The following SLC35F1 variants were observed in gnomAD, a reference collection of about 807,000 sequenced individuals.
SLC35F1 encodes chromosome 6 open reading frame 169.
A neutral mutation model predicts 48.7 loss-of-function variants in SLC35F1; 14 were observed. That is an observed-to-expected ratio of 0.29 (90% CI 0.19 to 0.45). The LOEUF (loss-of-function observed/expected upper bound fraction) is 0.45, where lower values mean the gene tolerates loss of function less well. Ranked by LOEUF, SLC35F1 falls within the 20% of genes least tolerant of loss-of-function variation. The pLI, the probability that SLC35F1 is intolerant of heterozygous loss-of-function variation, is 1.00. For missense variants in SLC35F1, 404 were observed against 500.0 expected (o/e 0.81, Z 1.83); for synonymous variants, 190 against 202.2 (o/e 0.94, Z 0.51).
In SLC35F1 at chr6:118,186,715, A is replaced by G. The variant is rs7748299; in HGVS notation, c.349+32095A>G. On this transcript the variant is annotated intron_variant, in intron 2 of 7. Coordinates refer to ENST00000360388, the MANE Select transcript of SLC35F1 (RefSeq NM_001029858.4). ...TACCAAGCTAGGTGCTAGAGATATA[A>G]AAGTGAATAGGACCTGTAGTCCACA... is the stretch of plus-strand genomic sequence containing the variant. 1.7e-3 allele frequency among the ~76,000 whole-genome samples: 264 copies of G among 152,308 alleles called. 1 individual carries two copies. The highest frequency in any genetic ancestry group is 5.7e-3 in the African/African-American group (237 of 41,568).
At chr6:117,924,460 G>A (rs2760234) in intron 1 of SLC35F1, among the ~76,000 whole-genome samples, 13 of 91,276 alleles carry the variant, frequency 1.4e-4, no homozygotes, top group African/African-American at 7.0e-4. Flanking sequence ...ACCTATATGT[G>A]TGTACATATA....
intron 1 of SLC35F1, among the ~76,000 whole-genome samples, chr6:118,136,474 C>A (rs975373422): frequency 6.6e-6 from 1 of 152,100 alleles, no homozygotes; most frequent in African/African-American, 2.4e-5. Context: ...CTTTTTATTT[C>A]TTTTAGTTTC....
At chr6:118,029,810 C>T (rs182824803) in intron 1 of SLC35F1, among the ~76,000 whole-genome samples, 155 of 152,212 alleles carry the variant, frequency 1.0e-3, no homozygotes, top group African/African-American at 3.6e-3. Context: ...ACTTTCCACC[C>T]TTCACTACGC....
At chr6:118,227,568 T>C (rs1199596232) in intron 2 of SLC35F1, among the ~76,000 whole-genome samples, 2 of 152,228 alleles carry the variant, frequency 1.3e-5, no homozygotes, top group Non-Finnish European at 2.9e-5. Flanking sequence ...CAGAACCTTA[T>C]GCAATGATGA....
chr6:118,252,932 A>G (rs1186772669), intron 3 of SLC35F1, among the ~76,000 whole-genome samples: 1 of 152,168 alleles, frequency 6.6e-6, no homozygotes, highest in Non-Finnish European at 1.5e-5. Flanking sequence ...GGGAAGAATC[A>G]CAAGAGGAGG....
chr6:117,914,398 T>C (rs2114795838), intron 1 of SLC35F1, among the ~76,000 whole-genome samples: 1 of 152,298 alleles, frequency 6.6e-6, no homozygotes, highest in East Asian at 1.9e-4. Flanking sequence ...AACCAAATCA[T>C]ACTAATTATA....
At chr6:117,950,621 A>G (rs1351636787) in intron 1 of SLC35F1, among the ~76,000 whole-genome samples, 2 of 152,198 alleles carry the variant, frequency 1.3e-5, no homozygotes, top group Admixed American at 6.5e-5. Context: ...GGCTCTGGCT[A>G]TTGACTTACT....
intron 2 of SLC35F1, among the ~76,000 whole-genome samples, chr6:118,209,752 A>T (rs1250103733): frequency 6.6e-6 from 1 of 152,172 alleles, no homozygotes; most frequent in African/African-American, 2.4e-5. Flanking sequence ...TGGCCAGTAG[A>T]GTACTAAAAT....
intron 1 of SLC35F1, among the ~76,000 whole-genome samples, chr6:118,133,337 G>A (rs138133486): frequency 0.012 from 1,900 of 152,196 alleles, 36 homozygotes; most frequent in African/African-American, 0.042. Flanking sequence ...AACTTGCCTT[G>A]ACTGAGAAGC....
intron 7 of SLC35F1, among the ~76,000 whole-genome samples, chr6:118,304,115 A>G (rs916384332): frequency 1.3e-5 from 2 of 152,238 alleles, no homozygotes; most frequent in African/African-American, 4.8e-5. Context: ...TTACTCATAT[A>G]TGCTCATGGG....
At chr6:118,107,675 C>T (rs1260534339) in intron 1 of SLC35F1, among the ~76,000 whole-genome samples, 1 of 152,054 alleles carries the variant, frequency 6.6e-6, no homozygotes, top group South Asian at 2.1e-4. Flanking sequence ...ATAATACTGT[C>T]CACTTTTGAA....
chr6:118,282,691 C>T (rs1474958505), intron 6 of SLC35F1, among the ~76,000 whole-genome samples: 2 of 152,292 alleles, frequency 1.3e-5, no homozygotes, highest in Middle Eastern at 6.8e-3. Flanking sequence ...CCCTCCATCT[C>T]AGTATATGGC....
intron 1 of SLC35F1, among the ~76,000 whole-genome samples, chr6:118,108,120 T>C (rs1773350434): frequency 6.6e-6 from 1 of 152,104 alleles, no homozygotes; most frequent in Non-Finnish European, 1.5e-5. Flanking sequence ...CTACTGTACG[T>C]TGTAATTCTG....
At chr6:118,124,577 G>A (rs62423670) in intron 1 of SLC35F1, among the ~76,000 whole-genome samples, 3,611 of 152,236 alleles carry the variant, frequency 0.024, 114 homozygotes, top group East Asian at 0.16. Context: ...TACTGACTGA[G>A]GTCATAGTCT....
chr6:118,284,528 T>G (rs1776026967), intron 6 of SLC35F1, among the ~76,000 whole-genome samples: 1 of 152,156 alleles, frequency 6.6e-6, no homozygotes, highest in Non-Finnish European at 1.5e-5. Flanking sequence ...AAAGCCCACA[T>G]GTGAGAGTTC....
chr6:117,994,164 C>A (rs1400460598), intron 1 of SLC35F1, among the ~76,000 whole-genome samples: 1 of 151,750 alleles, frequency 6.6e-6, no homozygotes, highest in Non-Finnish European at 1.5e-5. Context: ...AGGACCCTCT[C>A]TCAGCTCCTG....
Position 118,262,394 on chromosome 6 carries a change from G to A in SLC35F1, c.478-4601G>A, listed in dbSNP as rs563653195. Among the ~76,000 whole-genome samples, 11 of 152,082 alleles carry A rather than the reference G, an allele frequency of 7.2e-5. No individual in the cohort carries two copies. In the South Asian group the frequency reaches 2.1e-3, roughly 29 times the overall value. ...AGATGGTCAGAGATCAGCTGGAGTG[G>A]AAAAGAAAAAGAGGTAGGGAGAAAG... On this transcript the variant is annotated intron_variant, in intron 3 of 7. Transcript: ENST00000360388.
chr6:118,283,086 C>G (rs1376270728), intron 6 of SLC35F1, among the ~76,000 whole-genome samples: 1 of 152,190 alleles, frequency 6.6e-6, no homozygotes, highest in Non-Finnish European at 1.5e-5. Context: ...CTGGCATAAT[C>G]CATTCCCTTC....
chr6:118,237,192 C>T (rs1383866929), intron 3 of SLC35F1, among the ~76,000 whole-genome samples: 1 of 152,016 alleles, frequency 6.6e-6, no homozygotes, highest in Non-Finnish European at 1.5e-5. Context: ...TATAAATCTA[C>T]CTGGTACAGC....
Sources: allele counts gnomAD v4.1 joint callset (sites outside exome capture counted in the v4.1 genomes callset), GRCh38; gene constraint gnomAD v4.1.1; transcripts MANE v1.5; gene names NCBI Gene and HGNC (gene_info 2026-07-23, HGNC 2026-07-21).